The following PTPRD variants were observed in gnomAD, a reference collection of about 807,000 sequenced individuals.
The protein encoded by PTPRD is protein tyrosine phosphatase receptor type D.
A neutral mutation model predicts 214.5 loss-of-function variants in PTPRD; 34 were observed. The observed-to-expected ratio is 0.16, with a 90% CI of 0.12 to 0.21. PTPRD has a LOEUF of 0.21. Among genes scored for constraint, PTPRD ranks in the 10% least tolerant of loss-of-function variants. The probability of loss-of-function intolerance (pLI) is 1.00; values close to 1 mark genes in which losing one functional copy is unlikely to be tolerated. For synonymous variants in PTPRD, 1,128 were observed against 845.7 expected, an observed-to-expected ratio of 1.33 and a Z score of -5.79; for missense variants, 2,545 against 2,398.7, an observed-to-expected ratio of 1.06 and a Z score of -1.27.
At chr9:9,748,399 C>T (rs910050829) in intron 6 of PTPRD, among the ~76,000 whole-genome samples, 2 of 152,110 alleles carry the variant, frequency 1.3e-5, no homozygotes, top group African/African-American at 4.8e-5. Context: ...TATCAATGAG[C>T]TATTGCTACG....
chr9:9,724,442 C>T (rs144457726), intron 7 of PTPRD, among the ~76,000 whole-genome samples: 35 of 152,166 alleles, frequency 2.3e-4, no homozygotes, highest in Non-Finnish European at 4.9e-4. Flanking sequence ...CTTTCTTTCC[C>T]AGAATGGAAA....
chr9:8,321,465 GTGT>G (rs1827467345), intron 44 of PTPRD, among the ~76,000 whole-genome samples: 1 of 48,874 alleles, frequency 2.0e-5, no homozygotes, highest in African/African-American at 1.2e-4. Flanking sequence ...TCTTCTTTGT[GTGT>G]GTGTGTGTGT....
chr9:9,867,733 T>A (rs2064339068), intron 5 of PTPRD, among the ~76,000 whole-genome samples: 2 of 152,076 alleles, frequency 1.3e-5, no homozygotes, highest in Admixed American at 6.6e-5. Context: ...TTCTCTTAGG[T>A]CAAGAAATTA....
intron 7 of PTPRD, among the ~76,000 whole-genome samples, chr9:9,631,257 G>A (rs972349400): frequency 2.5e-4 from 38 of 150,640 alleles, no homozygotes; most frequent in Non-Finnish European, 5.3e-4. Context: ...GAAAGAGTGA[G>A]CTCTGGGTGG....
chr9:9,771,684 G>A (rs1254680195), intron 5 of PTPRD, among the ~76,000 whole-genome samples: 3 of 152,134 alleles, frequency 2.0e-5, no homozygotes, highest in Non-Finnish European at 4.4e-5. Flanking sequence ...CCAATTTCAA[G>A]AGCATACATC....
intron 8 of PTPRD, among the ~76,000 whole-genome samples, chr9:9,459,959 A>G (rs2145830845): frequency 6.6e-6 from 1 of 152,270 alleles, no homozygotes; most frequent in South Asian, 2.1e-4. Context: ...TCAAGGCTAT[A>G]GTAACCAAAA....
intron 12 of PTPRD, chr9:8,713,575 G>A (rs879605131): frequency 3.1e-5 from 46 of 1,495,652 alleles, no homozygotes; most frequent in Non-Finnish European, 4.1e-5. Context: ...CTCCCGGAGC[G>A]GCACCCACAA....
At chr9:9,145,136 A>G (rs1367086200) in intron 10 of PTPRD, among the ~76,000 whole-genome samples, 1 of 152,164 alleles carries the variant, frequency 6.6e-6, no homozygotes, top group Non-Finnish European at 1.5e-5. Context: ...GTTTTTCCTT[A>G]AGAATCTAAG....
At chr9:8,329,867 C>T (rs554238831) in intron 44 of PTPRD, among the ~76,000 whole-genome samples, 16 of 152,220 alleles carry the variant, frequency 1.1e-4, no homozygotes, top group African/African-American at 2.4e-4. Flanking sequence ...TCTCCCCTCA[C>T]GAAGCTCGAA....
At chr9:9,037,568 T>C (rs1779284078) in intron 10 of PTPRD, among the ~76,000 whole-genome samples, 3 of 152,244 alleles carry the variant, frequency 2.0e-5, no homozygotes, top group Admixed American at 1.3e-4. Context: ...CAACCGCTAA[T>C]TGAACTCTGA....
chr9:9,145,940 C>T (rs1309493002), intron 10 of PTPRD, among the ~76,000 whole-genome samples: 1 of 152,190 alleles, frequency 6.6e-6, no homozygotes, highest in Non-Finnish European at 1.5e-5. Context: ...CAAGGAAAAA[C>T]ACTCTAACTG....
intron 4 of PTPRD, among the ~76,000 whole-genome samples, chr9:9,984,403 T>G (rs1266203578): frequency 1.3e-5 from 2 of 152,154 alleles, no homozygotes; most frequent in African/African-American, 4.8e-5. Context: ...CAGACCTTAT[T>G]GGAGAAGATG....
intron 3 of PTPRD, among the ~76,000 whole-genome samples, chr9:10,324,162 C>T (rs1167874377): frequency 2.0e-5 from 3 of 152,036 alleles, no homozygotes; most frequent in Non-Finnish European, 4.4e-5. Context: ...TTGATTGGCT[C>T]TTCTCTAAAG....
At chr9:8,751,558 C>T (rs73419256) in intron 11 of PTPRD, among the ~76,000 whole-genome samples, 8,748 of 152,198 alleles carry the variant, frequency 0.057, 644 homozygotes, top group African/African-American at 0.17. Flanking sequence ...AAACAGGGCC[C>T]TTCCAATAAT....
At chr9:9,322,613 G>T (rs529328129) in intron 9 of PTPRD, among the ~76,000 whole-genome samples, 5 of 152,128 alleles carry the variant, frequency 3.3e-5, no homozygotes, top group Non-Finnish European at 7.4e-5. Context: ...TGCATGTCAG[G>T]ATCTCGGCCA....
At chr9:9,683,784 G>T (rs554873010) in intron 7 of PTPRD, among the ~76,000 whole-genome samples, 4 of 151,818 alleles carry the variant, frequency 2.6e-5, no homozygotes, top group African/African-American at 9.6e-5. Context: ...ATTATGTAAT[G>T]TATAATTTTA....
At chr9:8,484,873 A>G (rs2096964889) in intron 29 of PTPRD, among the ~76,000 whole-genome samples, 1 of 152,204 alleles carries the variant, frequency 6.6e-6, no homozygotes, top group African/African-American at 2.4e-5. Flanking sequence ...ACAGGCCAAC[A>G]AACAAATTCA....
chr9:9,564,411 T>A (rs370479073), intron 8 of PTPRD, among the ~76,000 whole-genome samples: 1 of 152,072 alleles, frequency 6.6e-6, no homozygotes, highest in African/African-American at 2.4e-5. Context: ...AGAGTTGGCA[T>A]GAGGAATGCA....
chr9:10,190,105 G>T (rs900983185), intron 3 of PTPRD, among the ~76,000 whole-genome samples: 3 of 151,998 alleles, frequency 2.0e-5, no homozygotes, highest in African/African-American at 7.2e-5. Flanking sequence ...GGTGGGTCAC[G>T]CCCGTAATCC....
Sources: allele counts gnomAD v4.1 joint callset (sites outside exome capture counted in the v4.1 genomes callset), GRCh38; gene constraint gnomAD v4.1.1; transcripts MANE v1.5; gene names NCBI Gene and HGNC (gene_info 2026-07-23, HGNC 2026-07-21).